The following PRORP variants were observed in gnomAD, a reference collection of about 807,000 sequenced individuals.
The protein encoded by PRORP is mitochondrial ribonuclease P catalytic subunit.
A neutral mutation model predicts 59.4 loss-of-function variants in PRORP; 51 were observed. That is an observed-to-expected ratio of 0.86 (90% confidence interval 0.69 to 1.08). PRORP has a LOEUF of 1.08. Among genes scored for constraint, PRORP ranks in the 50% least tolerant of loss-of-function variants. The pLI, the probability that PRORP is intolerant of heterozygous loss-of-function variation, is 0.00. For synonymous variants in PRORP, 231 were observed against 245.6 expected, an observed-to-expected ratio of 0.94 and a Z score of 0.55; for missense variants, 646 against 690.3, an observed-to-expected ratio of 0.94 and a Z score of 0.72.
At chr14:35,201,054 C>T (rs2139128001) in intron 5 of PRORP, among the ~76,000 whole-genome samples, 1 of 152,120 alleles carries the variant, frequency 6.6e-6, no homozygotes, top group East Asian at 1.9e-4. Context: ...TGTAGAATGT[C>T]CCTCAATTGG....
chr14:35,269,361 C>T (rs1264138085), intron 6 of PRORP, among the ~76,000 whole-genome samples: 1 of 152,164 alleles, frequency 6.6e-6, no homozygotes, highest in Non-Finnish European at 1.5e-5. Flanking sequence ...GGAAAGTGGT[C>T]TCACTGCTTG....
At chr14:35,205,583 T>C (rs1222427107) in intron 5 of PRORP, among the ~76,000 whole-genome samples, 1 of 152,096 alleles carries the variant, frequency 6.6e-6, no homozygotes, top group East Asian at 1.9e-4. Context: ...TGGCCTTCCA[T>C]AGTGTTGAGA....
At chr14:35,265,001 T>A (rs950826397) in intron 5 of PRORP, among the ~76,000 whole-genome samples, 4 of 151,910 alleles carry the variant, frequency 2.6e-5, no homozygotes, top group South Asian at 2.1e-4. Context: ...AAATAAAAAA[T>A]AAATAAATAA....
chr14:35,218,779 G>A (rs545750828), intron 5 of PRORP, among the ~76,000 whole-genome samples: 28 of 151,856 alleles, frequency 1.8e-4, no homozygotes, highest in African/African-American at 5.3e-4. Flanking sequence ...GCCCACCTTC[G>A]CCTCCCAAAG....
chr14:35,244,339 A>G (rs1184452630), intron 5 of PRORP, among the ~76,000 whole-genome samples: 1 of 152,204 alleles, frequency 6.6e-6, no homozygotes, highest in Non-Finnish European at 1.5e-5. Flanking sequence ...CATACATAAT[A>G]TGAGAGTTAC....
intron 4 of PRORP, among the ~76,000 whole-genome samples, chr14:35,160,702 A>G (rs2048035312): frequency 7.3e-6 from 1 of 137,388 alleles, no homozygotes; most frequent in African/African-American, 2.6e-5. Context: ...GGAATTAGAA[A>G]TAAAGATTCT....
intron 5 of PRORP, among the ~76,000 whole-genome samples, chr14:35,260,894 C>G (rs776581314): frequency 1.3e-5 from 2 of 152,184 alleles, no homozygotes; most frequent in Non-Finnish European, 2.9e-5. Context: ...CGAAGTCTGT[C>G]TAGTCCTCCT....
At chr14:35,252,498 A>G (rs1402102256) in intron 5 of PRORP, among the ~76,000 whole-genome samples, 1 of 152,220 alleles carries the variant, frequency 6.6e-6, no homozygotes, top group Non-Finnish European at 1.5e-5. Context: ...GCTGTCTTCC[A>G]GTTGCCTTCT....
intron 4 of PRORP, among the ~76,000 whole-genome samples, chr14:35,154,305 C>T (rs779473360): frequency 2.0e-5 from 3 of 152,118 alleles, no homozygotes; most frequent in Admixed American, 6.5e-5. Context: ...AGCATCAAAT[C>T]GTTGTTGAGG....
chr14:35,126,519 A>G (rs2047102034), intron 2 of PRORP, among the ~76,000 whole-genome samples: 1 of 152,158 alleles, frequency 6.6e-6, no homozygotes, highest in East Asian at 1.9e-4. Context: ...ATTTGTTGGG[A>G]GGAGAACCAC....
intron 4 of PRORP, among the ~76,000 whole-genome samples, chr14:35,149,624 G>C (rs1048006290): frequency 6.6e-6 from 1 of 152,192 alleles, no homozygotes; most frequent in African/African-American, 2.4e-5. Context: ...AGCCTTTGTG[G>C]AATTGAAGCA....
chr14:35,127,810 T>C (rs898826907), intron 4 of PRORP, among the ~76,000 whole-genome samples, 199 bp downstream of exon 4: 1 of 152,214 alleles, frequency 6.6e-6, no homozygotes, highest in Non-Finnish European at 1.5e-5. Flanking sequence ...TCCAGTAAAC[T>C]TTATTCATGA....
intron 4 of PRORP, chr14:35,158,005 G>A (rs72664855): frequency 0.1 from 22,581 of 218,572 alleles, 1,272 homozygotes; most frequent in Middle Eastern, 0.16. Flanking sequence ...TCAAACTGAT[G>A]TTGTTTCTTC....
At chr14:35,165,191 A>G (rs1475868684) in intron 4 of PRORP, among the ~76,000 whole-genome samples, 2 of 152,010 alleles carry the variant, frequency 1.3e-5, no homozygotes, top group East Asian at 1.9e-4. Flanking sequence ...TGAATTTCTT[A>G]GTTTTGAGAT....
Position 35,273,624 on chromosome 14 carries a change from G to C in PRORP, c.*58G>C. ...GGTACCCTCTAGGTTGGCATCAGAG[G>C]CTCTTGAGCTGGTGTTTGTTTAGGG... On this transcript the variant is annotated 3_prime_UTR_variant, in exon 8 of 8. Transcript: ENST00000534898. 1 of 1,523,830 alleles carries C rather than the reference G, an allele frequency of 6.6e-7. No individual in the cohort carries two copies. Among genetic ancestry groups the C allele is most frequent in the Non-Finnish European group, 8.9e-7 (1 of 1,129,262 alleles). 94.4% of individuals were successfully genotyped at this position (1,523,830 alleles called of 1,614,324 possible).
intron 4 of PRORP, among the ~76,000 whole-genome samples, chr14:35,157,191 G>A (rs1455112658): frequency 1.3e-5 from 2 of 151,948 alleles, no homozygotes; most frequent in South Asian, 2.1e-4. Flanking sequence ...TCCTGACCTC[G>A]TGATCCTCCC....
At chr14:35,156,112 C>T (rs2138921719) in intron 4 of PRORP, among the ~76,000 whole-genome samples, 1 of 152,236 alleles carries the variant, frequency 6.6e-6, no homozygotes, top group Non-Finnish European at 1.5e-5. Flanking sequence ...GTGCACAACC[C>T]CTGCTTTTAT....
intron 4 of PRORP, 149 bp from the exon 5 acceptor site, chr14:35,180,521 A>AGTGTGTGTGTGTGTGTGTGT (rs1422498163): frequency 1.3e-5 from 6 of 467,000 alleles, no homozygotes; most frequent in African/African-American, 4.5e-5. Context: ...TCATTTGTAG[A>AGTGTGTGTGTGTGTGTGTGT]GTATCTGTGT....
intron 5 of PRORP, among the ~76,000 whole-genome samples, chr14:35,266,216 C>CTGAGGCAGGAGAATCACTTG (rs1283199414): frequency 2.0e-5 from 3 of 151,576 alleles, no homozygotes; most frequent in Non-Finnish European, 4.4e-5. Flanking sequence ...ACTTGGGAGG[C>CTGAGGCAGGAGAATCACTTG]TGAGGCAGGA....
Sources: gnomAD v4.1 joint callset for allele counts (sites outside exome capture counted in the v4.1 genomes callset) on GRCh38, gnomAD v4.1.1 for gene constraint, MANE v1.5 for transcripts, NCBI Gene and HGNC (gene_info 2026-07-23, HGNC 2026-07-21) for gene names.